Variants in ERICH6B observed in about 807,000 individuals in gnomAD.
ERICH6B encodes the protein glutamate rich 6B, also known as glutamate-rich protein 6B.
ERICH6B carries 69 observed loss-of-function variants against 80.0 expected under a neutral mutation model. The observed-to-expected ratio is 0.86, with a 90% confidence interval of 0.71 to 1.05. The LOEUF (loss-of-function observed/expected upper bound fraction) is 1.05, where lower values mean the gene tolerates loss of function less well. Ranked by LOEUF, ERICH6B falls within the 50% of genes least tolerant of loss-of-function variation. The probability of loss-of-function intolerance (pLI) is 0.00; values close to 1 mark genes in which losing one functional copy is unlikely to be tolerated. For synonymous variants in ERICH6B, 283 were observed against 291.9 expected (o/e 0.97, Z 0.31); for missense variants, 754 against 796.1 (o/e 0.95, Z 0.64).
chr13:45,556,930 T>C lies in ERICH6B; in HGVS notation c.1407+4439A>G, dbSNP rs959410954. Among the ~76,000 whole-genome samples, 3 of 152,204 alleles carry C rather than the reference T, an allele frequency of 2.0e-5. 1 individual carries two copies. The highest frequency in any genetic ancestry group is 4.4e-5 in the Non-Finnish European group (3 of 68,032). ...AAGTATATCCATTTTGTATAATGAC[T>C]TCTTTTCCTCTGGGTAAATACTCAG... On this transcript the variant is annotated intron_variant, in intron 11 of 14. Transcript: ENST00000298738.
At chr13:45,571,485 T>A (rs1305819770) in intron 8 of ERICH6B, among the ~76,000 whole-genome samples, 1 of 152,172 alleles carries the variant, frequency 6.6e-6, no homozygotes, top group Non-Finnish European at 1.5e-5. Context: ...AATGTTTTTA[T>A]GAGTTGGGGG....
Position 45,587,300 on chromosome 13 carries a change from A to G in ERICH6B, c.687-68T>C, listed in dbSNP as rs758606439. The G allele has an allele frequency of 5.7e-5, 82 of 1,427,232 alleles. No homozygotes were observed. In the Middle Eastern group the frequency reaches 1.8e-3, roughly 31 times the overall value. The allele number at this position is 1,427,232 out of a possible 1,614,324, so 88.4% of individuals were successfully genotyped here. On this transcript the variant is annotated intron_variant, in intron 4 of 14. Coordinates refer to ENST00000298738, the MANE Select transcript of ERICH6B (RefSeq NM_182542.3). ...CCAGGTCAGGAACCCCTTCTAAGGC[A>G]TGTTAGGGGTTGAGGGGGTGCTCTT...
In ERICH6B at chr13:45,550,054, A is replaced by G. The variant is rs1264231474; in HGVS notation, c.1494-9T>C. On this transcript the variant is annotated splice_polypyrimidine_tract_variant and intron_variant, in intron 12 of 14. Transcript: ENST00000298738. ...GGTTTCCTGATGGATAACTGGGAGA[A>G]GGTTAAGGCACAAGTAGTCAGTCCT... The G allele has an allele frequency of 1.3e-6, 2 of 1,551,354 alleles. No individual in the cohort carries two copies. The highest frequency in any genetic ancestry group is 8.7e-7 in the Non-Finnish European group (1 of 1,147,052).
chr13:45,564,118 T>C (rs1874814697), intron 9 of ERICH6B, among the ~76,000 whole-genome samples: 1 of 152,226 alleles, frequency 6.6e-6, no homozygotes, highest in Non-Finnish European at 1.5e-5. Context: ...ATGGCCCTAT[T>C]ATTAACTCAC....
intron 11 of ERICH6B, 103 bp from the exon 12 acceptor site, chr13:45,550,419 C>A (rs1247875561): frequency 4.7e-6 from 4 of 848,546 alleles, no homozygotes; most frequent in African/African-American, 1.7e-5. Flanking sequence ...CTCTCCGATG[C>A]CACGTGCTAC....
At chr13:45,601,570 G>C (rs188812774) in intron 2 of ERICH6B, among the ~76,000 whole-genome samples, 22 of 152,106 alleles carry the variant, frequency 1.4e-4, no homozygotes, top group Non-Finnish European at 1.5e-5. Context: ...CTGCTTAAGA[G>C]ATCAAAATCA....
chr13:45,577,316 G>A lies in ERICH6B; in HGVS notation c.962-2386C>T, dbSNP rs10454620. On this transcript the variant is annotated intron_variant, in intron 7 of 14. Transcript: ENST00000298738. ...TTTTTTTTTTTTGAGACGGAGTATCGCTCTGTCAGCAGGCTGGAGTGCAGT... is the reference window on the plus strand; with the variant it reads ...TTTTTTTTTTTTGAGACGGAGTATCACTCTGTCAGCAGGCTGGAGTGCAGT... Among the ~76,000 whole-genome samples the A allele has an allele frequency of 4.5e-5, 5 of 112,112 alleles. No individual in the cohort carries two copies. The South Asian group carries it at 9.6e-4, about 22-fold the overall frequency. The allele number at this position is 112,112 out of a possible 152,430, so 73.5% of individuals were successfully genotyped here.
chr13:45,570,112 G>A (rs141188260), intron 8 of ERICH6B, among the ~76,000 whole-genome samples: 12 of 152,292 alleles, frequency 7.9e-5, no homozygotes, highest in African/African-American at 2.4e-4. Context: ...CATATGTGAC[G>A]TCTTATGGGG....
chr13:45,596,610 C>T lies in ERICH6B; in HGVS notation c.396G>A (p.Glu132=). ...LEEEEYLGKE[E]HLEEEEYLGK... is the part of the protein sequence containing the mutation. ...CCAGATACTCTTCCTCCTCCAGATG[C>T]TCTTCCTTCCCCAGGTACTCTTCCT... The change falls in exon 3 of 15, where the codon GAG becomes GAA. Residue 132 remains glutamate, a synonymous_variant. Coordinates refer to ENST00000298738, the MANE Select transcript of ERICH6B (RefSeq NM_182542.3). The T allele has an allele frequency of 6.5e-7, 1 of 1,546,020 alleles. No individual in the cohort carries two copies. Among genetic ancestry groups the T allele is most frequent in the Non-Finnish European group, 8.7e-7 (1 of 1,143,348 alleles).
At chr13:45,615,000 A>C (rs1949919682) in intron 1 of ERICH6B, among the ~76,000 whole-genome samples, 1 of 152,202 alleles carries the variant, frequency 6.6e-6, no homozygotes, top group Non-Finnish European at 1.5e-5. Flanking sequence ...CACCCAGTGC[A>C]CTCATTACAA....
At chr13:45,566,991 C>A (rs552558175) in intron 9 of ERICH6B, among the ~76,000 whole-genome samples, 1 of 152,224 alleles carries the variant, frequency 6.6e-6, no homozygotes, top group Non-Finnish European at 1.5e-5. Flanking sequence ...ACCATGGGAA[C>A]GCACCTCTTG....
At chr13:45,575,672 C>T (rs956880518) in intron 7 of ERICH6B, among the ~76,000 whole-genome samples, 1 of 152,166 alleles carries the variant, frequency 6.6e-6, no homozygotes, top group Non-Finnish European at 1.5e-5. Context: ...AGAGATGAAT[C>T]CCCGAGCCAG....
At chr13:45,547,281 C>T (rs1234579246) in intron 13 of ERICH6B, among the ~76,000 whole-genome samples, 1 of 152,252 alleles carries the variant, frequency 6.6e-6, no homozygotes, top group African/African-American at 2.4e-5. Context: ...AATCTTCTTA[C>T]TTCACTCTGT....
At chr13:45,604,085 C>T (rs746470216) in intron 2 of ERICH6B, among the ~76,000 whole-genome samples, 14 of 152,154 alleles carry the variant, frequency 9.2e-5, no homozygotes, top group South Asian at 2.1e-4. Flanking sequence ...GAAGAGAAGT[C>T]GAGCCCAGGC....
intron 3 of ERICH6B, among the ~76,000 whole-genome samples, chr13:45,595,547 A>G (rs1308985958): frequency 6.6e-6 from 1 of 151,992 alleles, no homozygotes; most frequent in Non-Finnish European, 1.5e-5. Context: ...GTATATATAT[A>G]AAATAAGTCT....
chr13:45,557,040 T>A (rs1372294364), intron 11 of ERICH6B, among the ~76,000 whole-genome samples: 1 of 152,198 alleles, frequency 6.6e-6, no homozygotes, highest in Non-Finnish European at 1.5e-5. Context: ...GTTGTACTAG[T>A]TTACATTCCC....
intron 2 of ERICH6B, among the ~76,000 whole-genome samples, chr13:45,603,087 G>A (rs1949836516): frequency 6.6e-6 from 1 of 152,150 alleles, no homozygotes; most frequent in Non-Finnish European, 1.5e-5. Flanking sequence ...GAGTCTGAAG[G>A]CCTGTGAACC....
At chr13:45,574,702 C>A in intron 8 of ERICH6B, 140 bp downstream of exon 8, 2 of 649,422 alleles carry the variant, frequency 3.1e-6, no homozygotes, top group East Asian at 2.8e-5. Context: ...TCTCTAACAC[C>A]CAGTCTGGGA....
intron 5 of ERICH6B, among the ~76,000 whole-genome samples, chr13:45,583,808 C>T (rs1454649832): frequency 6.6e-6 from 1 of 152,184 alleles, no homozygotes; most frequent in Admixed American, 6.5e-5. Flanking sequence ...ATTGTGAGGC[C>T]TCCCCAGCCA....
Sources: allele counts gnomAD v4.1 joint callset (sites outside exome capture counted in the v4.1 genomes callset), GRCh38; gene constraint gnomAD v4.1.1; transcripts MANE v1.5; gene names NCBI Gene and HGNC (gene_info 2026-07-23, HGNC 2026-07-21).